The following ACAN variants were observed in gnomAD, a reference collection of about 807,000 sequenced individuals.
ACAN encodes the protein aggrecan, also known as aggrecan core protein.
Under a neutral mutation model 169.1 loss-of-function variants are expected in ACAN, and 47 were observed. The ratio of observed to expected loss-of-function variants is 0.28; its 90% CI spans 0.22 to 0.35. The LOEUF (loss-of-function observed/expected upper bound fraction) is 0.35. Ranked by LOEUF, ACAN falls within the 10% of genes least tolerant of loss-of-function variation. The pLI is 1.00. For missense variants in ACAN, 2,716 were observed against 2,759.9 expected, an observed-to-expected ratio of 0.98 and a Z score of 0.36; for synonymous variants, 1,115 against 1,112.2, an observed-to-expected ratio of 1.00 and a Z score of -0.05.
At chr15:88,844,801 C>A (rs1056598750) in intron 6 of ACAN, among the ~76,000 whole-genome samples, 6 of 152,258 alleles carry the variant, frequency 3.9e-5, no homozygotes, top group Admixed American at 1.3e-4. Context: ...TAATTACATG[C>A]TAATTCTTGG....
intron 1 of ACAN, among the ~76,000 whole-genome samples, chr15:88,816,809 C>G (rs983542484): frequency 6.6e-6 from 1 of 152,168 alleles, no homozygotes; most frequent in African/African-American, 2.4e-5. Flanking sequence ...CGCACCATGC[C>G]CAAGAACTTC....
Position 88,874,606 on chromosome 15 carries a change from A to G in ACAN, c.*125A>G, listed in dbSNP as rs1466681217. The G allele has an allele frequency of 5.3e-6, 5 of 950,188 alleles. No individual in the cohort carries two copies. In the Admixed American group the frequency reaches 6.0e-5, roughly 11 times the overall value. The allele number at this position is 950,188 out of a possible 1,614,324, so 58.9% of individuals were successfully genotyped here. A position where few individuals can be genotyped will look rare whatever the true frequency, so the allele number is the denominator to read the frequency against. ...ATATAAGGAATCCCATTAAAGAAGG[A>G]AAAAAATAAATCCCACATTTGTGTA... On this transcript the variant is annotated 3_prime_UTR_variant, in exon 19 of 19. Coordinates refer to ENST00000560601, the MANE Select transcript of ACAN (RefSeq NM_001369268.1). This position sits in a 1 kb window ranked among gnomAD's most constrained non-coding sequence, Gnocchi z 7.3.
chr15:88,843,445 C>T lies in ACAN; in HGVS notation c.848C>T (p.Thr283Met), dbSNP rs749047801. ...CRRLGARLATTGQLYLAWQAG... is the reference protein window; with the variant it reads ...CRRLGARLATMGQLYLAWQAG... ...CGGCTGGGTGCCCGGCTGGCCACCACGGGCCAGCTCTACCTGGCCTGGCAG... is the reference window on the plus strand; with the variant it reads ...CGGCTGGGTGCCCGGCTGGCCACCATGGGCCAGCTCTACCTGGCCTGGCAG... Residue 283 changes from threonine (T) to methionine (M), a missense_variant, in exon 6 of 19, where the codon ACG becomes ATG. Transcript: ENST00000560601. This position sits in a 1 kb window ranked among gnomAD's most constrained non-coding sequence, Gnocchi z 4.0. 5.2e-5 allele frequency: 83 copies of T among 1,609,736 alleles called. No individual in the cohort carries two copies. The highest frequency in any genetic ancestry group is 2.5e-4 in the East Asian group (11 of 44,782).
chr15:88,844,294 C>CTAT (rs1343133224), intron 6 of ACAN, among the ~76,000 whole-genome samples: 1,470 of 104,688 alleles, frequency 0.014, 22 homozygotes, highest in African/African-American at 0.05. Context: ...CCATGCTTTG[C>CTAT]TTTTTTTTTT....
At chr15:88,852,800 A>G (rs975866092) in intron 11 of ACAN, among the ~76,000 whole-genome samples, 7 of 152,308 alleles carry the variant, frequency 4.6e-5, no homozygotes, top group East Asian at 3.9e-4. Context: ...GCAGCTTCCA[A>G]CTGGGGAAAG....
Position 88,872,837 on chromosome 15 carries a change from A to C in ACAN, c.7303-44A>C. On this transcript the variant is annotated intron_variant, in intron 16 of 18. Coordinates refer to ENST00000560601, the MANE Select transcript of ACAN (RefSeq NM_001369268.1). This position sits in a 1 kb window ranked among gnomAD's most constrained non-coding sequence, Gnocchi z 5.4. The stretch of plus-strand genomic sequence containing the variant: ...AGACAGTCGGAGCAGGCCAACCCGC[A>C]CTGTCCTGCCCTCTCCTTACTCCTT... 1.2e-6 allele frequency: 2 copies of C among 1,606,862 alleles called. 1 individual carries two copies.
chr15:88,808,838 G>T (rs1321934276), intron 1 of ACAN, among the ~76,000 whole-genome samples: 1 of 152,176 alleles, frequency 6.6e-6, no homozygotes, highest in East Asian at 1.9e-4. Context: ...TGGAAAAGAG[G>T]GGATAGGACA....
intron 13 of ACAN, among the ~76,000 whole-genome samples, chr15:88,867,922 T>G (rs1897305952): frequency 6.6e-6 from 1 of 152,256 alleles, no homozygotes; most frequent in African/African-American, 2.4e-5. Context: ...GAAAAGACAT[T>G]TGGCTTTAGA....
Position 88,849,009 on chromosome 15 carries a change from C to A in ACAN, c.1733-429C>A, listed in dbSNP as rs1253325229. On this transcript the variant is annotated intron_variant, in intron 9 of 18. Coordinates refer to ENST00000560601, the MANE Select transcript of ACAN (RefSeq NM_001369268.1). This position sits in a 1 kb window ranked among gnomAD's most constrained non-coding sequence, Gnocchi z 5.1. ...GAGTTCCCAGGGTGTGGGGTGAGCA[C>A]GTCCACAGCAGTCACAGTGATAAGT... Among the ~76,000 whole-genome samples the A allele has an allele frequency of 6.6e-6, 1 of 152,186 alleles. No individual in the cohort carries two copies. The highest frequency in any genetic ancestry group is 1.9e-4 in the East Asian group (1 of 5,198).
rs1897309011 is a variant in ACAN, at chr15:88,868,091, A to G, written c.6947-125A>G. ...CAGCAGCAGCAACAGTTCTCAGGAA[A>G]ACCAGCCAGTTCCCTCCCAGGGGTC... On this transcript the variant is annotated intron_variant, in intron 13 of 18. Transcript: ENST00000560601. This position sits in a 1 kb window ranked among gnomAD's most constrained non-coding sequence, Gnocchi z 5.2. 1 of 620,138 alleles carries G rather than the reference A, an allele frequency of 1.6e-6. No homozygotes were observed. Among genetic ancestry groups the G allele is most frequent in the African/African-American group, 1.8e-5 (1 of 54,744 alleles). 38.4% of individuals were successfully genotyped at this position (620,138 alleles called of 1,614,324 possible).
intron 7 of ACAN, 106 bp downstream of exon 7, chr15:88,845,988 G>A (rs765977939): frequency 5.4e-5 from 67 of 1,229,932 alleles, no homozygotes; most frequent in East Asian, 4.5e-4. Context: ...AACCTGGCAC[G>A]TGGGACAATG....
Position 88,859,220 on chromosome 15 carries a change from T to A in ACAN, c.6635T>A (p.Val2212Asp). 6.2e-7 allele frequency: 1 copy of A among 1,613,848 alleles called. No individual in the cohort carries two copies. The highest frequency in any genetic ancestry group is 8.5e-7 in the Non-Finnish European group (1 of 1,179,872). ...LSGHTSQLGVVISTSIPESEW... is the reference protein window; with the variant it reads ...LSGHTSQLGVDISTSIPESEW... Reference sequence around the variant, plus strand: ...GGTCACACCTCGCAGCTGGGCGTTGTCATCAGCACCAGCATCCCAGAGTCT... The same window carrying A: ...GGTCACACCTCGCAGCTGGGCGTTGACATCAGCACCAGCATCCCAGAGTCT... The change falls in exon 12 of 19, where the codon GTC becomes GAC. Residue 2212 changes from valine to aspartate, a missense_variant. Coordinates refer to ENST00000560601, the MANE Select transcript of ACAN (RefSeq NM_001369268.1).
intron 13 of ACAN, among the ~76,000 whole-genome samples, chr15:88,862,222 TTCC>T (rs1897208905): frequency 6.6e-6 from 1 of 152,298 alleles, no homozygotes; most frequent in South Asian, 2.1e-4. Context: ...AGCCTTCATT[TTCC>T]TCATTTGTAA....
At chr15:88,827,699 G>T (rs1197439962) in intron 1 of ACAN, among the ~76,000 whole-genome samples, 2 of 152,198 alleles carry the variant, frequency 1.3e-5, no homozygotes, top group Admixed American at 1.3e-4. Flanking sequence ...AGGTGTTCTT[G>T]CTCCTCAGTG....
intron 1 of ACAN, among the ~76,000 whole-genome samples, chr15:88,821,568 T>C (rs751564696): frequency 6.6e-6 from 1 of 152,142 alleles, no homozygotes; most frequent in Non-Finnish European, 1.5e-5. Context: ...GGTGAGTGTT[T>C]GACAGAGGAA....
At chr15:88,837,898 T>A (rs1410184074) in intron 2 of ACAN, among the ~76,000 whole-genome samples, 4 of 152,098 alleles carry the variant, frequency 2.6e-5, no homozygotes, top group Non-Finnish European at 5.9e-5. Context: ...TTTTTTTTTT[T>A]TTTGGAAAGC....
At chr15:88,840,296 C>T in intron 4 of ACAN, 110 bp downstream of exon 4, 1 of 1,339,910 alleles carries the variant, frequency 7.5e-7, no homozygotes. Flanking sequence ...CAGCATGACA[C>T]TGTGGCCAGC....
chr15:88,808,813 A>G (rs1182091709), intron 1 of ACAN, among the ~76,000 whole-genome samples: 3 of 152,222 alleles, frequency 2.0e-5, no homozygotes, highest in South Asian at 4.1e-4. Flanking sequence ...GCCATGCCCA[A>G]CTGGGCATGG....
chr15:88,822,288 G>C (rs1239014017), intron 1 of ACAN, among the ~76,000 whole-genome samples: 1 of 152,218 alleles, frequency 6.6e-6, no homozygotes, highest in Non-Finnish European at 1.5e-5. Flanking sequence ...CTGGCAGCCA[G>C]GGTCAAGGGC....
Sources: allele counts gnomAD v4.1 joint callset (sites outside exome capture counted in the v4.1 genomes callset), GRCh38; gene constraint gnomAD v4.1.1; non-coding constraint Gnocchi (gnomAD v3.1); transcripts MANE v1.5; gene names NCBI Gene and HGNC (gene_info 2026-07-23, HGNC 2026-07-21).